The following KRT9 variants were observed in gnomAD, a reference collection of about 807,000 sequenced individuals.
KRT9 encodes keratin 9.
A neutral mutation model predicts 51.4 loss-of-function variants in KRT9; 34 were observed. The observed-to-expected ratio is 0.66, with a 90% CI of 0.50 to 0.88. The LOEUF is 0.88. KRT9 is among the 40% of genes least tolerant of loss of function. The probability of loss-of-function intolerance (pLI) is 0.00; values close to 1 mark genes in which losing one functional copy is unlikely to be tolerated. For missense variants in KRT9, 753 were observed against 790.3 expected (o/e 0.95, Z 0.57); for synonymous variants, 292 against 289.7 (o/e 1.01, Z -0.08).
rs1906907657 is a variant in KRT9 at position 41,567,416 on chromosome 17, C to T, written c.1729G>A (p.Gly577Arg). 3 of 1,572,590 alleles carry T rather than the reference C, an allele frequency of 1.9e-6. No individual in the cohort carries two copies. In the Admixed American group the frequency reaches 5.7e-5, roughly 30 times the overall value. ...GSGGGYGGGS[G>R]SRGGSGGSHG... is the part of the protein sequence containing the mutation. ...CTGCCTCCACTTCCTCCCCTGGACC[C>T]ACTTCCTCCACCATAGCCACCCCCA... The change falls in exon 7 of 8, where the codon GGG becomes AGG. Residue 577 changes from glycine (G) to arginine (R), a missense_variant. By Grantham distance (125) the Gly-to-Arg change is moderately radical (BLOSUM62 -2). Around this residue, in one of 3 missense-constraint regions of KRT9, gnomAD observed 507 missense variants for 563.7 expected, o/e 0.90. Transcript: ENST00000246662.
chr17:41,570,361 A>G (rs1342437617), intron 1 of KRT9, 141 bp from the exon 2 acceptor site: 8 of 777,086 alleles, frequency 1.0e-5, no homozygotes, highest in East Asian at 4.9e-5. Flanking sequence ...CAGCTGGGAC[A>G]TGGCACAGAC....
chr17:41,571,842 T>A lies in KRT9; in HGVS notation c.151A>T (p.Ser51Cys). 6.2e-7 allele frequency: 1 copy of A among 1,605,784 alleles called. No individual in the cohort carries two copies. The highest frequency in any genetic ancestry group is 1.7e-4 in the Middle Eastern group (1 of 6,014). ...CGAGAGCTTCCCCCACCATAGCCAC[T>A]AGAAGAGCTGAATCGGCCCCCTCCT... is the stretch of plus-strand genomic sequence containing the variant. The part of the protein sequence containing the change: ...GGGGGRFSSS[S>C]GYGGGSSRVC... The change falls in exon 1 of 8, where the codon AGT becomes TGT. Residue 51 changes from serine (S) to cysteine (C), a missense_variant. Physicochemically the swap from Ser to Cys is moderately radical, Grantham distance 112. Around this residue, in one of 3 missense-constraint regions of KRT9, gnomAD observed 241 missense variants for 210.3 expected, o/e 1.15. Coordinates refer to ENST00000246662, the MANE Select transcript of KRT9 (RefSeq NM_000226.4).
Position 41,567,232 on chromosome 17 carries a change from C to A in KRT9, c.*40+1G>T. On this transcript the variant is annotated splice_donor_variant, in intron 7 of 7. Coordinates refer to ENST00000246662, the MANE Select transcript of KRT9 (RefSeq NM_000226.4). LOFTEE classifies it low-confidence loss of function (3UTR_SPLICE). ...CCCCACAACCTAGGATTGTCCCTTACCTTTTGTCTCATCTTGGTCACCAGA... is the reference window on the plus strand; with the variant it reads ...CCCCACAACCTAGGATTGTCCCTTAACTTTTGTCTCATCTTGGTCACCAGA... The A allele has an allele frequency of 1.2e-6, 2 of 1,613,936 alleles. No individual in the cohort carries two copies. Among genetic ancestry groups the A allele is most frequent in the Non-Finnish European group, 1.7e-6 (2 of 1,179,950 alleles).
In KRT9 at chr17:41,569,660, T is replaced by C. The variant is rs1174224377; in HGVS notation, c.883-73A>G. 2.5e-6 allele frequency: 4 copies of C among 1,582,258 alleles called. No homozygotes were observed. The East Asian group carries it at 8.9e-5, about 35-fold the overall frequency. On this transcript the variant is annotated intron_variant, in intron 3 of 7. Coordinates refer to ENST00000246662, the MANE Select transcript of KRT9 (RefSeq NM_000226.4). ...CCACCTTTCAGAATTCTCCCTCTGG[T>C]CCCCCCAGGGTACAAAAAGGGGACA...
rs749621284 is a variant in KRT9 at position 41,569,559 on chromosome 17, C to T, written c.911G>A (p.Ser304Asn). 1 of 1,614,046 alleles carries T rather than the reference C, an allele frequency of 6.2e-7. No homozygotes were observed. The highest frequency in any genetic ancestry group is 1.1e-5 in the South Asian group (1 of 91,076). The change falls in exon 4 of 8, where the codon AGT becomes AAT. Residue 304 changes from serine to asparagine, a missense_variant. Ser to Asn is a conservative substitution (Grantham distance 46). Coordinates refer to ENST00000246662, the MANE Select transcript of KRT9 (RefSeq NM_000226.4). ...EEMSQLTGQN[S>N]GDVNVEINVA... ...GTTTATCTCCACATTGACATCTCCA[C>T]TGTTCTGCCCAGTCAGCTGACTCAT... is the stretch of plus-strand genomic sequence containing the variant.
chr17:41,566,810 A>T (rs1906888268), intron 7 of KRT9, among the ~76,000 whole-genome samples: 1 of 152,202 alleles, frequency 6.6e-6, no homozygotes, highest in Non-Finnish European at 1.5e-5. Context: ...ACTGTTGCTG[A>T]TCCAGGTCCC....
chr17:41,568,748 T>G (rs2144569094), intron 4 of KRT9, 115 bp from the exon 5 acceptor site: 1 of 1,372,752 alleles, frequency 7.3e-7, no homozygotes, highest in Non-Finnish European at 1.0e-6. Context: ...CTGAAGCCAA[T>G]GACAAGTCAT....
rs376830738 is a variant in KRT9 at position 41,571,702 on chromosome 17, A to G, written c.291T>C (p.Phe97=). 1.3e-5 allele frequency: 21 copies of G among 1,608,616 alleles called. No individual in the cohort carries two copies. The highest frequency in any genetic ancestry group is 5.4e-5 in the African/African-American group (4 of 74,232). Reference sequence around the variant, plus strand: ...TATAGCCTCCTCCAGAAGCACCACCAAAACCTCTGGAACCACCCCCAAAGC... The same window carrying G: ...TATAGCCTCCTCCAGAAGCACCACCGAAACCTCTGGAACCACCCCCAAAGC... The part of the protein sequence containing the change: ...GGGFGGGSRG[F]GGASGGGYSS... The change falls in exon 1 of 8, where the codon TTT becomes TTC. Residue 97 remains phenylalanine, a synonymous_variant. Coordinates refer to ENST00000246662, the MANE Select transcript of KRT9 (RefSeq NM_000226.4).
chr17:41,567,330 T>C lies in KRT9; in HGVS notation c.1815A>G (p.Glu605=). The part of the protein sequence containing the change: ...ESGGSYGGGE[E]ASGSGGGYGG... ...CGTAGCCGCCACCACTTCCACTCGC[T>C]TCTTCACCGCCTCCGTAGCTGCCTC... is the stretch of plus-strand genomic sequence containing the variant. The change falls in exon 7 of 8, where the codon GAA becomes GAG. Residue 605 remains glutamate, a synonymous_variant. Coordinates refer to ENST00000246662, the MANE Select transcript of KRT9 (RefSeq NM_000226.4). The C allele has an allele frequency of 6.2e-7, 1 of 1,614,112 alleles. No homozygotes were observed. The highest frequency in any genetic ancestry group is 8.5e-7 in the Non-Finnish European group (1 of 1,179,998).
chr17:41,571,802 C>T lies in KRT9; in HGVS notation c.191G>A (p.Gly64Glu). The stretch of plus-strand genomic sequence containing the variant: ...GCTGTAGCCAAAACTGCCACCGCCT[C>T]CCCTCCCACAGACACGAGAGCTTCC... ...GGGSSRVCGR[G>E]GGGSFGYSYG... Residue 64 changes from glycine to glutamate, a missense_variant, in exon 1 of 8, where the codon GGA becomes GAA. Transcript: ENST00000246662. 1 of 1,613,544 alleles carries T rather than the reference C, an allele frequency of 6.2e-7. No homozygotes were observed. The highest frequency in any genetic ancestry group is 1.1e-5 in the South Asian group (1 of 91,046).
Position 41,572,028 on chromosome 17 carries a change from A to G in KRT9, c.-36T>C. 1 of 1,550,170 alleles carries G rather than the reference A, an allele frequency of 6.5e-7. No individual in the cohort carries two copies. The highest frequency in any genetic ancestry group is 8.7e-7 in the Non-Finnish European group (1 of 1,152,726). ...GTAGCTCACGGGTTGAGAAGCAGTG[A>G]TAGGAGTGCTACCGGCTCCCAAGTG... On this transcript the variant is annotated 5_prime_UTR_variant, in exon 1 of 8. Transcript: ENST00000246662.
chr17:41,570,005 C>A lies in KRT9; in HGVS notation c.736G>T (p.Glu246Ter). ...LDDFRIKFEM[E>*]QNLRQGVDAD... ...TCCACTCCTTGCCGCAGGTTTTGCTCCATCTCAAACCTGCAGACCAGCCAG... is the reference window on the plus strand; with the variant it reads ...TCCACTCCTTGCCGCAGGTTTTGCTACATCTCAAACCTGCAGACCAGCCAG... The change falls in exon 3 of 8, where the codon GAG becomes TAG. Residue 246 changes from glutamate (E) to a stop codon, truncating the protein, a stop_gained. Transcript: ENST00000246662. LOFTEE classifies it high-confidence loss of function. 1 of 1,614,156 alleles carries A rather than the reference C, an allele frequency of 6.2e-7. No individual in the cohort carries two copies. The highest frequency in any genetic ancestry group is 1.1e-5 in the South Asian group (1 of 91,070).
chr17:41,570,846 G>A (rs546922558), intron 1 of KRT9, among the ~76,000 whole-genome samples: 1 of 152,310 alleles, frequency 6.6e-6, no homozygotes, highest in African/African-American at 2.4e-5. Context: ...TAAATGGATA[G>A]ATAGATAGAC....
chr17:41,571,905 A>G lies in KRT9; in HGVS notation c.88T>C (p.Ser30Pro). ...GGLGSGGSIR[S>P]SYSRFSSSGG... is the part of the protein sequence containing the mutation. ...GAGGAGCTGAAGCGGCTGTAGGAAG[A>G]CCTTATGCTGCCCCCGCTGCCCAGG... Residue 30 changes from serine to proline, a missense_variant, in exon 1 of 8, where the codon TCT (serine) becomes CCT (proline). By Grantham distance (74) the Ser-to-Pro change is moderately conservative (BLOSUM62 -1). Coordinates refer to ENST00000246662, the MANE Select transcript of KRT9 (RefSeq NM_000226.4). The G allele has an allele frequency of 6.2e-7, 1 of 1,603,442 alleles. No homozygotes were observed.
At chr17:41,570,328 C>T (rs955842431) in intron 1 of KRT9, 108 bp from the exon 2 acceptor site, 1 of 948,996 alleles carries the variant, frequency 1.1e-6, no homozygotes, top group Non-Finnish European at 1.7e-6. Context: ...GGAAGATTCT[C>T]AAGAGGAATG....
At chr17:41,569,695 A>C in intron 3 of KRT9, 108 bp from the exon 4 acceptor site, 1 of 1,517,032 alleles carries the variant, frequency 6.6e-7, no homozygotes, top group African/African-American at 1.4e-5. Flanking sequence ...ACAGTTGTGA[A>C]GCCAAAGCCC....
rs779444299 is a variant in KRT9 at position 41,571,883 on chromosome 17, G to A, written c.110C>T (p.Ser37Phe). 42 of 1,610,896 alleles carry A rather than the reference G, an allele frequency of 2.6e-5. No individual in the cohort carries two copies. In the South Asian group the frequency reaches 3.1e-4, roughly 12 times the overall value. The change falls in exon 1 of 8, where the codon TCC (serine) becomes TTC (phenylalanine). Residue 37 changes from serine (S) to phenylalanine (F), a missense_variant. Coordinates refer to ENST00000246662, the MANE Select transcript of KRT9 (RefSeq NM_000226.4). ...SIRSSYSRFS[S>F]SGGGGGGGRF... ...GCCCCCTCCTCCACCGCCCCCTGAG[G>A]AGCTGAAGCGGCTGTAGGAAGACCT... is the stretch of plus-strand genomic sequence containing the variant.
In KRT9 at chr17:41,571,773, C is replaced by G. The variant is rs1188648638; in HGVS notation, c.220G>C (p.Gly74Arg). Residue 74 changes from glycine (G) to arginine (R), a missense_variant, in exon 1 of 8, where the codon GGC (glycine) becomes CGC (arginine). By Grantham distance (125) the Gly-to-Arg change is moderately radical. Transcript: ENST00000246662. Reference sequence around the variant, plus strand: ...CTAAAACCACCCCCAGATCCTCCGCCGTAGCTGTAGCCAAAACTGCCACCG... The same window carrying G: ...CTAAAACCACCCCCAGATCCTCCGCGGTAGCTGTAGCCAAAACTGCCACCG... ...GGGGSFGYSY[G>R]GGSGGGFSAS... is the part of the protein sequence containing the mutation. 3.1e-6 allele frequency: 5 copies of G among 1,613,770 alleles called. No individual in the cohort carries two copies. Among genetic ancestry groups the G allele is most frequent in the Non-Finnish European group, 3.4e-6 (4 of 1,179,842 alleles).
In KRT9 at chr17:41,572,058, G is replaced by T; in HGVS notation, c.-66C>A. ...AGTGCTACCGGCTCCCAAGTGCAGG[G>T]TACAGAGCTGTCCCTGGGGCTGCCT... On this transcript the variant is annotated 5_prime_UTR_variant, in exon 1 of 8. Transcript: ENST00000246662. The T allele has an allele frequency of 1.3e-6, 2 of 1,534,232 alleles. No individual in the cohort carries two copies. Among genetic ancestry groups the T allele is most frequent in the Non-Finnish European group, 1.7e-6 (2 of 1,145,550 alleles).
Sources: allele counts gnomAD v4.1 joint callset (sites outside exome capture counted in the v4.1 genomes callset), GRCh38; gene constraint gnomAD v4.1.1; regional missense constraint gnomAD v4.1.1; transcripts MANE v1.5; gene names NCBI Gene and HGNC (gene_info 2026-07-23, HGNC 2026-07-21).